PPFIA2: variants seen among roughly 807,000 people sequenced by gnomAD.
The protein encoded by PPFIA2 is PPFI scaffold protein A2, also known as liprin-alpha-2.
In PPFIA2, 46 loss-of-function variants were observed where a neutral mutation model predicts 175.5. That is an observed-to-expected ratio of 0.26 (90% confidence interval 0.21 to 0.34). The LOEUF is 0.34. PPFIA2 is among the 10% of genes least tolerant of loss of function. The pLI is 1.00. For synonymous variants in PPFIA2, 568 were observed against 511.4 expected, an observed-to-expected ratio of 1.11 and a Z score of -1.49; for missense variants, 1,179 against 1,506.1, an observed-to-expected ratio of 0.78 and a Z score of 3.60.
chr12:81,609,423 CAAG>C (rs1422896467), intron 4 of PPFIA2, among the ~76,000 whole-genome samples: 1 of 152,016 alleles, frequency 6.6e-6, no homozygotes, highest in Non-Finnish European at 1.5e-5. Context: ...TCTCATAGGC[CAAG>C]AAGAACTTGT....
intron 4 of PPFIA2, among the ~76,000 whole-genome samples, chr12:81,595,197 T>A (rs1480734720): frequency 6.6e-6 from 1 of 151,462 alleles, no homozygotes; most frequent in African/African-American, 2.4e-5. Context: ...TGTTGAGACA[T>A]CATTTTTATG....
chr12:81,753,279 G>C (rs549391466), intron 3 of PPFIA2, among the ~76,000 whole-genome samples: 1 of 151,922 alleles, frequency 6.6e-6, no homozygotes, highest in Admixed American at 6.6e-5. Flanking sequence ...CATTAACTTT[G>C]TATATAAATA....
intron 8 of PPFIA2, among the ~76,000 whole-genome samples, chr12:81,389,900 A>G (rs941240454): frequency 6.6e-6 from 1 of 152,060 alleles, no homozygotes; most frequent in South Asian, 2.1e-4. Flanking sequence ...AGTTAATCTC[A>G]CATTTTTTCA....
chr12:81,289,773 C>T (rs1285717937), intron 24 of PPFIA2, among the ~76,000 whole-genome samples: 1 of 151,792 alleles, frequency 6.6e-6, no homozygotes, highest in Non-Finnish European at 1.5e-5. Flanking sequence ...TCTAAATTTG[C>T]AATTCTTTAA....
intron 4 of PPFIA2, among the ~76,000 whole-genome samples, chr12:81,673,483 A>G (rs1435154082): frequency 6.6e-6 from 1 of 152,044 alleles, no homozygotes; most frequent in Non-Finnish European, 1.5e-5. Context: ...TATATTTACA[A>G]AGCACTATTT....
chr12:81,749,286 C>T lies in PPFIA2; in HGVS notation c.249+4687G>A, dbSNP rs115509648. On this transcript the variant is annotated intron_variant, in intron 3 of 32. Coordinates refer to ENST00000549396, the MANE Select transcript of PPFIA2 (RefSeq NM_003625.5). ...TACTTTCAGTACTTCTATAATCTTCCAGTACTATATTTATTTGGGCCCATT... is the reference window on the plus strand; with the variant it reads ...TACTTTCAGTACTTCTATAATCTTCTAGTACTATATTTATTTGGGCCCATT... Among the ~76,000 whole-genome samples the T allele has an allele frequency of 5.6e-4, 81 of 143,620 alleles. 4 individuals are homozygous for T. The highest frequency in any genetic ancestry group is 1.9e-3 in the African/African-American group (80 of 41,102). 94.2% of individuals were successfully genotyped at this position (143,620 alleles called of 152,430 possible).
rs756019272 is a variant in PPFIA2, at chr12:81,754,031, T to C, written c.191A>G (p.Gln64Arg). 1 of 1,613,932 alleles carries C rather than the reference T, an allele frequency of 6.2e-7. No homozygotes were observed. Among genetic ancestry groups the C allele is most frequent in the East Asian group, 2.2e-5 (1 of 44,856 alleles). The change falls in exon 3 of 33, where the codon CAG becomes CGG. Residue 64 changes from glutamine (Q) to arginine (R), a missense_variant. This residue lies in a region of PPFIA2 where 128 missense variants were observed against 141.4 expected (regional missense o/e 0.91). Transcript: ENST00000549396. Reference protein sequence around the residue: ...ESLSLAQQRLQDVIYDRDSLQ... With the variant: ...ESLSLAQQRLRDVIYDRDSLQ... ...TGAGTCTCGGTCATAGATGACATCC[T>C]GAAGTCTTTGCTGGGCAAGTGAGAG...
intron 7 of PPFIA2, among the ~76,000 whole-genome samples, chr12:81,409,563 G>C (rs764706094): frequency 1.3e-5 from 2 of 152,018 alleles, no homozygotes; most frequent in Non-Finnish European, 2.9e-5. Context: ...ATGGGATAAG[G>C]CATCATAAAA....
chr12:81,727,979 C>G (rs982533381), intron 3 of PPFIA2, among the ~76,000 whole-genome samples: 1 of 151,336 alleles, frequency 6.6e-6, no homozygotes, highest in African/African-American at 2.4e-5. Flanking sequence ...TACAAAATAT[C>G]TCACTGTTAA....
At chr12:81,264,188 T>C (rs1392077964) in intron 30 of PPFIA2, among the ~76,000 whole-genome samples, 1 of 152,188 alleles carries the variant, frequency 6.6e-6, no homozygotes, top group African/African-American at 2.4e-5. Flanking sequence ...CTAGTGTCTC[T>C]ACTTGGACAG....
At chr12:81,348,083 C>G (rs1334948036) in intron 17 of PPFIA2, among the ~76,000 whole-genome samples, 1 of 152,114 alleles carries the variant, frequency 6.6e-6, no homozygotes, top group African/African-American at 2.4e-5. Context: ...TAATTAATTT[C>G]TACCATTAAT....
At chr12:81,517,904 C>A (rs895368883) in intron 4 of PPFIA2, among the ~76,000 whole-genome samples, 5 of 142,042 alleles carry the variant, frequency 3.5e-5, no homozygotes, top group Non-Finnish European at 3.0e-5. Context: ...TGCCTGCTAC[C>A]TTTCCTTGTA....
chr12:81,659,179 A>G (rs998505955), intron 4 of PPFIA2, among the ~76,000 whole-genome samples: 2 of 152,134 alleles, frequency 1.3e-5, no homozygotes, highest in African/African-American at 4.8e-5. Flanking sequence ...CAACTGAGGT[A>G]CTGGGTTCAT....
rs1304757901 is a variant in PPFIA2 at position 81,585,072 on chromosome 12, A to T, written c.303+91719T>A. ...ATATTATATAATTATATAATATATA[A>T]ATATAATATATATAATATATAAAAG... On this transcript the variant is annotated intron_variant, in intron 4 of 32. Transcript: ENST00000549396. Among the ~76,000 whole-genome samples, 7 of 121,398 alleles carry T rather than the reference A, an allele frequency of 5.8e-5. No homozygotes were observed. The East Asian group carries it at 7.0e-4, about 12-fold the overall frequency. The allele number at this position is 121,398 out of a possible 152,430, so 79.6% of individuals were successfully genotyped here.
chr12:81,363,732 T>G (rs1323809943), intron 14 of PPFIA2, among the ~76,000 whole-genome samples: 1 of 151,786 alleles, frequency 6.6e-6, no homozygotes, highest in Non-Finnish European at 1.5e-5. Flanking sequence ...AAGCCCTTTT[T>G]ATCTTTTTCC....
chr12:81,661,022 T>C (rs1204731412), intron 4 of PPFIA2, among the ~76,000 whole-genome samples: 1 of 152,172 alleles, frequency 6.6e-6, no homozygotes, highest in Non-Finnish European at 1.5e-5. Flanking sequence ...CCACCAGGCC[T>C]GCACTAAAAG....
intron 8 of PPFIA2, among the ~76,000 whole-genome samples, chr12:81,403,677 T>A (rs1299691224): frequency 6.6e-6 from 1 of 152,126 alleles, no homozygotes; most frequent in African/African-American, 2.4e-5. Flanking sequence ...TTAACTGGTA[T>A]AGGAATAGAA....
At chr12:81,645,174 A>G (rs1404262163) in intron 4 of PPFIA2, among the ~76,000 whole-genome samples, 1 of 152,066 alleles carries the variant, frequency 6.6e-6, no homozygotes, top group African/African-American at 2.4e-5. Context: ...AAAGAAAGAG[A>G]GATAAAGGGA....
Position 81,571,558 on chromosome 12 carries a change from T to C in PPFIA2, c.303+105233A>G, listed in dbSNP as rs1030324561. Among the ~76,000 whole-genome samples the C allele has an allele frequency of 4.6e-5, 7 of 152,192 alleles. No individual in the cohort carries two copies. In the South Asian group the frequency reaches 1.4e-3, roughly 32 times the overall value. On this transcript the variant is annotated intron_variant, in intron 4 of 32. Coordinates refer to ENST00000549396, the MANE Select transcript of PPFIA2 (RefSeq NM_003625.5). ...AAGCAAGTTACTCATCTGGAAGTAGTTTAACAAGCAAATAACCTAGCATGC... is the reference window on the plus strand; with the variant it reads ...AAGCAAGTTACTCATCTGGAAGTAGCTTAACAAGCAAATAACCTAGCATGC...
Sources: gnomAD v4.1 joint callset for allele counts (sites outside exome capture counted in the v4.1 genomes callset) on GRCh38, gnomAD v4.1.1 for gene constraint, gnomAD v4.1.1 regional missense constraint, MANE v1.5 for transcripts, NCBI Gene and HGNC (gene_info 2026-07-23, HGNC 2026-07-21) for gene names.